The following PDE4D variants were observed in gnomAD, a reference collection of about 807,000 sequenced individuals.
PDE4D encodes the protein 3',5'-cyclic-AMP phosphodiesterase 4D.
Under a neutral mutation model 87.4 loss-of-function variants are expected in PDE4D, and 24 were observed. The observed-to-expected ratio is 0.27, with a 90% CI of 0.20 to 0.39. The LOEUF (loss-of-function observed/expected upper bound fraction) is 0.39, where lower values mean the gene tolerates loss of function less well. PDE4D is among the 10% of genes least tolerant of loss of function. PDE4D has a pLI of 1.00. For missense variants in PDE4D, 714 were observed against 1,041.0 expected, an observed-to-expected ratio of 0.69 and a Z score of 4.32; for synonymous variants, 384 against 383.2, an observed-to-expected ratio of 1.00 and a Z score of -0.02.
chr5:60,316,496 G>T (rs144645340), intron 1 of PDE4D, among the ~76,000 whole-genome samples: 10,492 of 152,142 alleles, frequency 0.069, 398 homozygotes, highest in Non-Finnish European at 0.083. Flanking sequence ...CTGCCTGATT[G>T]TCCTGGCCAG....
At position 59,294,462 on chromosome 5, in the gene PDE4D, G is replaced by A. The variant is rs1046246638; in HGVS notation, c.456-78494C>T. Among the ~76,000 whole-genome samples the A allele has an allele frequency of 3.3e-5, 5 of 152,132 alleles. No homozygotes were observed. In the East Asian group the frequency reaches 9.6e-4, roughly 29 times the overall value. On this transcript the variant is annotated intron_variant, in intron 1 of 14. Transcript: ENST00000340635. ...TGAAAGCTCAAGTTGAAGCACTGAG[G>A]CTGACACTCTGGGCTACACAGAGAA...
chr5:59,783,699 A>T (rs1327451126), intron 1 of PDE4D, among the ~76,000 whole-genome samples: 2 of 152,242 alleles, frequency 1.3e-5, no homozygotes, highest in African/African-American at 4.8e-5. Flanking sequence ...GTTTATTTAC[A>T]AAACATAAGT....
chr5:59,869,479 C>G (rs572249807), intron 1 of PDE4D, among the ~76,000 whole-genome samples: 1 of 152,258 alleles, frequency 6.6e-6, no homozygotes, highest in South Asian at 2.1e-4. Context: ...ACACATGCAT[C>G]AGATCATGCA....
At chr5:60,306,690 CA>C (rs1207468334) in intron 1 of PDE4D, among the ~76,000 whole-genome samples, 1 of 151,890 alleles carries the variant, frequency 6.6e-6, no homozygotes, top group Non-Finnish European at 1.5e-5. Flanking sequence ...TAAAAATATA[CA>C]AAAGAATACC....
chr5:60,082,638 A>T (rs1291883645), intron 2 of PDE4D, among the ~76,000 whole-genome samples: 3 of 152,064 alleles, frequency 2.0e-5, no homozygotes, highest in Non-Finnish European at 4.4e-5. Flanking sequence ...CTCACAACTC[A>T]CTGGCTAGAT....
At chr5:59,147,417 C>G (rs1258626066) in intron 5 of PDE4D, among the ~76,000 whole-genome samples, 1 of 152,050 alleles carries the variant, frequency 6.6e-6, no homozygotes, top group South Asian at 2.1e-4. Context: ...AAACCTCAAA[C>G]ATTTTCTAAA....
intron 1 of PDE4D, among the ~76,000 whole-genome samples, chr5:60,421,984 A>G (rs1345771828): frequency 6.6e-6 from 1 of 152,244 alleles, no homozygotes; most frequent in South Asian, 2.1e-4. Flanking sequence ...CAAGAAGACA[A>G]GTTTAGAGAA....
chr5:59,208,167 AAAAC>A (rs752480006), intron 2 of PDE4D, among the ~76,000 whole-genome samples: 1 of 152,210 alleles, frequency 6.6e-6, no homozygotes, highest in East Asian at 1.9e-4. Context: ...ACTCTATCTC[AAAAC>A]AAACAAACAA....
chr5:60,150,206 G>A (rs1261407860), intron 2 of PDE4D, among the ~76,000 whole-genome samples: 2 of 151,726 alleles, frequency 1.3e-5, no homozygotes, highest in African/African-American at 4.8e-5. Context: ...ATACAACCAT[G>A]AATCTTACAG....
At chr5:59,466,000 C>T (rs1024810616) in intron 1 of PDE4D, among the ~76,000 whole-genome samples, 1 of 151,998 alleles carries the variant, frequency 6.6e-6, no homozygotes, top group African/African-American at 2.4e-5. Flanking sequence ...AATTGTGGCA[C>T]CATGTTTATA....
At chr5:59,963,084 C>G (rs1654175393) in intron 3 of PDE4D, among the ~76,000 whole-genome samples, 2 of 152,130 alleles carry the variant, frequency 1.3e-5, no homozygotes, top group African/African-American at 4.8e-5. Context: ...ATCCCAATGA[C>G]AGAGCAAAAG....
intron 1 of PDE4D, among the ~76,000 whole-genome samples, chr5:60,353,483 T>G (rs181878629): frequency 1.3e-5 from 2 of 152,328 alleles, no homozygotes; most frequent in East Asian, 1.9e-4. Context: ...GTAGATGAAA[T>G]AGCAGAAGTT....
At chr5:59,771,526 G>GAAAGAAAGAA (rs1763558921) in intron 1 of PDE4D, among the ~76,000 whole-genome samples, 1 of 146,454 alleles carries the variant, frequency 6.8e-6, no homozygotes, top group African/African-American at 2.7e-5. Context: ...AAGAAAGAAA[G>GAAAGAAAGAA]AAAGAAAGAA....
intron 2 of PDE4D, among the ~76,000 whole-genome samples, chr5:60,032,269 A>G (rs1767320330): frequency 6.6e-6 from 1 of 152,208 alleles, no homozygotes; most frequent in African/African-American, 2.4e-5. Context: ...CGTCCCCTTT[A>G]GACTATGGTA....
chr5:59,378,369 G>T (rs1194741099), intron 1 of PDE4D, among the ~76,000 whole-genome samples: 1 of 151,936 alleles, frequency 6.6e-6, no homozygotes, highest in Admixed American at 6.6e-5. Context: ...TGTACAAGAA[G>T]CCCCTGTGAC....
chr5:59,522,375 C>T (rs1812392311), intron 1 of PDE4D, among the ~76,000 whole-genome samples: 1 of 152,124 alleles, frequency 6.6e-6, no homozygotes, highest in African/African-American at 2.4e-5. Context: ...TCCAACAAAC[C>T]CAAGACTTAG....
Position 60,461,791 on chromosome 5 carries a change from T to C in PDE4D, c.-90+26151A>G, listed in dbSNP as rs548076296. 2.6e-5 allele frequency among the ~76,000 whole-genome samples: 4 copies of C among 152,364 alleles called. No homozygotes were observed. In the South Asian group the frequency reaches 6.2e-4, roughly 24 times the overall value. ...CATTAACTGATACAGTTTAAGTTTT[T>C]GTTTCAACCTACAAAATAGAGTTGT... On this transcript the variant is annotated intron_variant, in intron 1 of 16. Coordinates refer to the PDE4D transcript ENST00000502484.
At chr5:59,243,013 C>T (rs1186052805) in intron 1 of PDE4D, among the ~76,000 whole-genome samples, 2 of 152,170 alleles carry the variant, frequency 1.3e-5, no homozygotes, top group Admixed American at 6.6e-5. Flanking sequence ...TAAGAGACAG[C>T]AGGCACAGTA....
At chr5:59,882,243 C>T (rs577781628) in intron 1 of PDE4D, among the ~76,000 whole-genome samples, 2 of 152,202 alleles carry the variant, frequency 1.3e-5, no homozygotes, top group Admixed American at 6.5e-5. Flanking sequence ...TAGCAGCTGC[C>T]GTGATGAGTA....
Sources: allele counts gnomAD v4.1 joint callset (sites outside exome capture counted in the v4.1 genomes callset), GRCh38; gene constraint gnomAD v4.1.1; transcripts MANE v1.5; gene names NCBI Gene and HGNC (gene_info 2026-07-23, HGNC 2026-07-21).